The following PLEKHA1 variants were observed in gnomAD, a reference collection of about 807,000 sequenced individuals.
PLEKHA1 encodes pleckstrin homology domain containing A1.
Under a neutral mutation model 52.0 loss-of-function variants are expected in PLEKHA1, and 34 were observed. That is an observed-to-expected ratio of 0.65 (90% CI 0.50 to 0.87). The LOEUF is 0.87. PLEKHA1 is among the 40% of genes least tolerant of loss of function. PLEKHA1 has a pLI of 0.00. For missense variants in PLEKHA1, 497 were observed against 504.2 expected (o/e 0.99, Z 0.14); for synonymous variants, 163 against 170.7 (o/e 0.95, Z 0.35).
At chr10:122,424,805 TTA>T (rs2097313784) in intron 9 of PLEKHA1, 89 bp from the exon 10 acceptor site, 1 of 911,460 alleles carries the variant, frequency 1.1e-6, no homozygotes, top group South Asian at 2.1e-5. Flanking sequence ...CCTCATTTAT[TTA>T]TTGACGCATA....
chr10:122,384,720 A>G (rs1036555095), intron 1 of PLEKHA1, among the ~76,000 whole-genome samples: 9 of 152,128 alleles, frequency 5.9e-5, no homozygotes, highest in African/African-American at 9.7e-5. Context: ...TGGGAGGCCA[A>G]TGCAGGTGGA....
At position 122,376,544 on chromosome 10, in the gene PLEKHA1, T is replaced by C. The variant is rs533866515; in HGVS notation, c.-21+1738T>C. Among the ~76,000 whole-genome samples, 10 of 149,394 alleles carry C rather than the reference T, an allele frequency of 6.7e-5. No individual in the cohort carries two copies. In the South Asian group the frequency reaches 2.1e-3, roughly 31 times the overall value. On this transcript the variant is annotated intron_variant, in intron 1 of 11. Transcript: ENST00000368990. ...TATATATATATATATAATATAAATA[T>C]ATGTGTATACACACCGCGCGGGCGC...
intron 3 of PLEKHA1, 141 bp downstream of exon 3, chr10:122,398,115 T>C (rs2096875941): frequency 4.9e-6 from 3 of 610,370 alleles, no homozygotes; most frequent in Non-Finnish European, 8.6e-6. Context: ...ACCTGATTAC[T>C]ACGTTTAGGA....
chr10:122,434,875 A>G (rs1036644090), downstream of PLEKHA1: 1 of 151,538 alleles, frequency 6.6e-6, no homozygotes, highest in Non-Finnish European at 1.5e-5. Context: ...AATTTCATCC[A>G]TGTCCCTACA....
downstream of PLEKHA1, chr10:122,433,046 CTTG>C (rs978723375): frequency 1.3e-5 from 2 of 152,068 alleles, no homozygotes; most frequent in African/African-American, 2.4e-5. Context: ...CCTTCTTTTG[CTTG>C]TTGTGTCTAA....
At chr10:122,442,539 C>T in the PLEKHA1 span, 2 of 152,012 alleles carry the variant, frequency 1.3e-5, no homozygotes, top group Admixed American at 1.3e-4. Context: ...AATCTGTAGC[C>T]TCTGTAAACA....
chr10:122,423,433 A>AC (rs5788553), intron 8 of PLEKHA1: 2 of 115,810 alleles, frequency 1.7e-5, no homozygotes, highest in Admixed American at 1.7e-4. Flanking sequence ...CTCAAAAAAA[A>AC]AAAAAACAAA....
intron 1 of PLEKHA1, among the ~76,000 whole-genome samples, chr10:122,389,131 T>C (rs1248724488): frequency 6.6e-6 from 1 of 152,236 alleles, no homozygotes; most frequent in Non-Finnish European, 1.5e-5. Context: ...AAATTTTCAA[T>C]TTACTTTGCC....
In PLEKHA1 at chr10:122,393,214, A is replaced by C; in HGVS notation, c.14A>C (p.Asp5Ala). The part of the protein sequence containing the change: MPYV[D>A]RQNRICGFLD... ...TCAAGCTCAGAAATGCCTTATGTGG[A>C]TCGTCAGAATCGCATTTGTGGTTTT... Residue 5 changes from aspartate to alanine, a missense_variant, in exon 2 of 12, where the codon GAT becomes GCT. Asp to Ala is a moderately radical substitution (Grantham distance 126). Transcript: ENST00000368990. The surrounding 1 kb of genome is among the most constrained non-coding windows in gnomAD (Gnocchi z 4.5). The C allele has an allele frequency of 6.2e-7, 1 of 1,611,486 alleles. No homozygotes were observed. The highest frequency in any genetic ancestry group is 1.7e-5 in the Admixed American group (1 of 59,672).
intron 1 of PLEKHA1, chr10:122,392,226 A>C (rs1322138760): frequency 6.6e-6 from 1 of 152,022 alleles, no homozygotes; most frequent in Non-Finnish European, 1.5e-5. Flanking sequence ...TTAATCTATA[A>C]TGTCTCTCTT....
chr10:122,390,670 A>G (rs1415136961), intron 1 of PLEKHA1, among the ~76,000 whole-genome samples: 5 of 152,142 alleles, frequency 3.3e-5, no homozygotes, highest in Admixed American at 1.3e-4. Flanking sequence ...TCTCCCACCT[A>G]TTTGGGAGGC....
intron 6 of PLEKHA1, among the ~76,000 whole-genome samples, chr10:122,414,962 A>G (rs538388687): frequency 1.3e-5 from 2 of 152,174 alleles, no homozygotes; most frequent in East Asian, 3.9e-4. Context: ...CTAGGTGTTT[A>G]TCGTAGAGAA....
rs1022886017 is a variant in PLEKHA1 at position 122,424,942 on chromosome 10, C to T, written c.793C>T (p.Arg265Ter). 3.7e-6 allele frequency: 6 copies of T among 1,608,142 alleles called. No individual in the cohort carries two copies. Among genetic ancestry groups the T allele is most frequent in the African/African-American group, 1.3e-5 (1 of 74,574 alleles). ...CCTCTTTGAAATTGTAACAACGTCTCGAACTTTCTATGTGCAGGTAAGATG... is the reference window on the plus strand; with the variant it reads ...CCTCTTTGAAATTGTAACAACGTCTTGAACTTTCTATGTGCAGGTAAGATG... ...DNLFEIVTTS[R>*]TFYVQADSPE... Residue 265 changes from arginine to a stop codon, truncating the protein, a stop_gained, in exon 10 of 12, where the codon CGA becomes TGA. Coordinates refer to ENST00000368990, the MANE Select transcript of PLEKHA1 (RefSeq NM_001001974.4). LOFTEE classifies it high-confidence loss of function.
intron 10 of PLEKHA1, among the ~76,000 whole-genome samples, chr10:122,425,928 A>G (rs909800127): frequency 6.6e-6 from 1 of 152,102 alleles, no homozygotes; most frequent in Non-Finnish European, 1.5e-5. Context: ...CATACTAAAT[A>G]TAGTGTTATA....
chr10:122,402,292 A>G (rs575974607), intron 4 of PLEKHA1, among the ~76,000 whole-genome samples: 52 of 152,182 alleles, frequency 3.4e-4, no homozygotes, highest in Non-Finnish European at 2.5e-4. Context: ...TTAGTCCTCT[A>G]CTGTTAGTGG....
rs191508943 is a variant in PLEKHA1 at position 122,414,947 on chromosome 10, C to T, written c.469-912C>T. Among the ~76,000 whole-genome samples the T allele has an allele frequency of 1.1e-3, 169 of 151,874 alleles. 1 individual carries two copies. In the East Asian group the frequency reaches 0.019, roughly 17 times the overall value. Reference sequence around the variant, plus strand: ...TGATTACTGTACAACCCAGCATTTGCAGGACTAGGTGTTTATCGTAGAGAA... The same window carrying T: ...TGATTACTGTACAACCCAGCATTTGTAGGACTAGGTGTTTATCGTAGAGAA... On this transcript the variant is annotated intron_variant, in intron 6 of 11. Transcript: ENST00000368990.
At chr10:122,424,826 TG>T in intron 9 of PLEKHA1, 69 bp from the exon 10 acceptor site, 1 of 1,317,776 alleles carries the variant, frequency 7.6e-7, no homozygotes, top group Non-Finnish European at 1.1e-6. Context: ...TACTGGGTAC[TG>T]GGTAAACAAA....
At chr10:122,383,090 T>G (rs1219334707) in intron 1 of PLEKHA1, among the ~76,000 whole-genome samples, 1 of 152,198 alleles carries the variant, frequency 6.6e-6, no homozygotes, top group Non-Finnish European at 1.5e-5. Flanking sequence ...ATGGTATATC[T>G]GTATAGTATA....
intron 2 of PLEKHA1, among the ~76,000 whole-genome samples, chr10:122,394,069 CTTTTTTTTTTTTT>C (rs796831792): frequency 1.2e-4 from 12 of 97,244 alleles, no homozygotes; most frequent in African/African-American, 3.1e-4. Flanking sequence ...ACTTTCTCTA[CTTTTTTTTTTTTT>C]TTTTTTTTTT....
Sources: allele counts gnomAD v4.1 joint callset (sites outside exome capture counted in the v4.1 genomes callset), GRCh38; gene constraint gnomAD v4.1.1; non-coding constraint Gnocchi (gnomAD v3.1); transcripts MANE v1.5; gene names NCBI Gene and HGNC (gene_info 2026-07-23, HGNC 2026-07-21).